COL26A1: variants seen among roughly 807,000 people sequenced by gnomAD.
COL26A1 encodes the protein collagen alpha-1(XXVI) chain.
COL26A1 carries 41 observed loss-of-function variants against 59.3 expected under a neutral mutation model. The observed-to-expected ratio is 0.69, with a 90% confidence interval of 0.54 to 0.90. The LOEUF (loss-of-function observed/expected upper bound fraction) is 0.90, where lower values mean the gene tolerates loss of function less well. Ranked by LOEUF, COL26A1 falls within the 40% of genes least tolerant of loss-of-function variation. The probability of loss-of-function intolerance (pLI) is 0.00; values close to 1 mark genes in which losing one functional copy is unlikely to be tolerated. For missense variants in COL26A1, 612 were observed against 602.3 expected (o/e 1.02, Z -0.17); for synonymous variants, 266 against 256.0 (o/e 1.04, Z -0.37).
rs563400907 is a variant in COL26A1 at position 101,454,551 on chromosome 7, A to C, written c.385+6764A>C. On this transcript the variant is annotated intron_variant, in intron 3 of 12. Transcript: ENST00000313669. ...TGGGATTACAGGGGTGAGCCACCGCACCCGGCCAAGTGTCCTTTTCAAGGT... is the reference window on the plus strand; with the variant it reads ...TGGGATTACAGGGGTGAGCCACCGCCCCCGGCCAAGTGTCCTTTTCAAGGT... Among the ~76,000 whole-genome samples the C allele has an allele frequency of 7.3e-5, 11 of 151,644 alleles. No homozygotes were observed. In the East Asian group the frequency reaches 2.1e-3, roughly 29 times the overall value.
At chr7:101,519,483 C>A (rs1214536767) in intron 3 of COL26A1, among the ~76,000 whole-genome samples, 1 of 152,206 alleles carries the variant, frequency 6.6e-6, no homozygotes, top group Non-Finnish European at 1.5e-5. Context: ...GAGGGAGAGG[C>A]TGCCGGGCCC....
chr7:101,384,788 C>G (rs968383060), intron 1 of COL26A1, among the ~76,000 whole-genome samples: 1 of 152,026 alleles, frequency 6.6e-6, no homozygotes, highest in African/African-American at 2.4e-5. Context: ...CATAATAAGC[C>G]GTCTACAAGC....
intron 1 of COL26A1, among the ~76,000 whole-genome samples, chr7:101,400,351 C>CTTTTTTTTTTTTTTT (rs1387032420): frequency 2.4e-5 from 3 of 123,352 alleles, no homozygotes; most frequent in Non-Finnish European, 5.1e-5. Context: ...CTTTTTTTTC[C>CTTTTTTTTTTTTTTT]TATTTTTTTT....
At chr7:101,481,335 G>A (rs1465357496) in intron 3 of COL26A1, among the ~76,000 whole-genome samples, 1 of 151,170 alleles carries the variant, frequency 6.6e-6, no homozygotes, top group African/African-American at 2.4e-5. Context: ...AGCAGCTTCT[G>A]TGTCTTCAGT....
intron 1 of COL26A1, among the ~76,000 whole-genome samples, chr7:101,416,532 C>T (rs927380848): frequency 1.4e-5 from 2 of 143,482 alleles, no homozygotes; most frequent in East Asian, 3.9e-4. Flanking sequence ...TCCAGAGCTA[C>T]TACTATATAG....
At chr7:101,364,812 C>T (rs984873275) in intron 1 of COL26A1, among the ~76,000 whole-genome samples, 4 of 151,062 alleles carry the variant, frequency 2.6e-5, no homozygotes, top group African/African-American at 7.4e-5. Context: ...TCAAGAGATC[C>T]TCCTGCCTCG....
chr7:101,386,089 G>GT (rs1272646061), intron 1 of COL26A1, among the ~76,000 whole-genome samples: 1 of 152,082 alleles, frequency 6.6e-6, no homozygotes. Context: ...TTCATCAAGG[G>GT]TGGGGCTTCA....
chr7:101,438,922 C>T (rs1261936862), intron 2 of COL26A1, among the ~76,000 whole-genome samples: 4 of 152,172 alleles, frequency 2.6e-5, no homozygotes, highest in Non-Finnish European at 5.9e-5. Context: ...AGACGATCCA[C>T]CCGTCTGGGC....
intron 9 of COL26A1, among the ~76,000 whole-genome samples, chr7:101,549,506 G>A (rs1311293557): frequency 6.6e-6 from 1 of 152,238 alleles, no homozygotes; most frequent in Admixed American, 6.5e-5. Flanking sequence ...TCAGCCTCCG[G>A]ATTAGCCGGG....
chr7:101,424,704 C>A (rs1373928980), intron 2 of COL26A1, among the ~76,000 whole-genome samples: 1 of 152,146 alleles, frequency 6.6e-6, no homozygotes, highest in Non-Finnish European at 1.5e-5. Context: ...CTGTCTGTGG[C>A]CTTGGGGCTG....
chr7:101,435,583 C>T (rs910387103), intron 2 of COL26A1, among the ~76,000 whole-genome samples: 36 of 152,280 alleles, frequency 2.4e-4, no homozygotes, highest in Admixed American at 2.4e-3. Flanking sequence ...CTGTTCATTG[C>T]AGTGGGGACG....
At chr7:101,385,276 T>TACAC (rs1791542044) in intron 1 of COL26A1, among the ~76,000 whole-genome samples, 1 of 150,766 alleles carries the variant, frequency 6.6e-6, no homozygotes, top group Admixed American at 6.7e-5. Flanking sequence ...TATATGTGTA[T>TACAC]ATATATAGTA....
At chr7:101,505,590 G>C (rs560786519) in intron 3 of COL26A1, among the ~76,000 whole-genome samples, 2 of 152,196 alleles carry the variant, frequency 1.3e-5, no homozygotes, top group Non-Finnish European at 2.9e-5. Flanking sequence ...TCCGATGTTC[G>C]AGGGCAGGAA....
At chr7:101,479,903 A>AAC (rs1342949295) in intron 3 of COL26A1, among the ~76,000 whole-genome samples, 4 of 152,200 alleles carry the variant, frequency 2.6e-5, no homozygotes, top group Admixed American at 6.5e-5. Context: ...CTGTGTTGGA[A>AAC]ACATTACAAT....
intron 3 of COL26A1, among the ~76,000 whole-genome samples, chr7:101,522,049 A>T (rs1295615685): frequency 6.6e-6 from 1 of 152,154 alleles, no homozygotes; most frequent in Non-Finnish European, 1.5e-5. Context: ...ATTTTGGGTT[A>T]TTCTGAGCAA....
intron 2 of COL26A1, among the ~76,000 whole-genome samples, chr7:101,424,184 G>C (rs1417507060): frequency 6.6e-6 from 1 of 152,194 alleles, no homozygotes; most frequent in Admixed American, 6.5e-5. Context: ...CTGGGCGACA[G>C]AGCGAGACCG....
intron 2 of COL26A1, among the ~76,000 whole-genome samples, chr7:101,434,208 CCACCTCTCTCTCTTTT>C (rs1792859502): frequency 1.8e-5 from 1 of 55,064 alleles, no homozygotes; most frequent in African/African-American, 8.1e-5. Flanking sequence ...CTCTCCCGCC[CCACCTCTCTCTCTTTT>C]TCCCTTCCTC....
intron 2 of COL26A1, among the ~76,000 whole-genome samples, chr7:101,434,468 C>A (rs1290002835): frequency 6.6e-6 from 1 of 151,954 alleles, no homozygotes; most frequent in Non-Finnish European, 1.5e-5. Context: ...CACTGTGTTG[C>A]CCAGGCTGGT....
intron 3 of COL26A1, among the ~76,000 whole-genome samples, chr7:101,528,165 C>T (rs1795289432): frequency 6.6e-6 from 1 of 152,142 alleles, no homozygotes; most frequent in South Asian, 2.1e-4. Flanking sequence ...GTTGGCCAAG[C>T]TGCTCCTCAC....
Sources: allele counts gnomAD v4.1 joint callset (sites outside exome capture counted in the v4.1 genomes callset), GRCh38; gene constraint gnomAD v4.1.1; transcripts MANE v1.5; gene names NCBI Gene and HGNC (gene_info 2026-07-23, HGNC 2026-07-21).